The following RGS6 variants were observed in gnomAD, a reference collection of about 807,000 sequenced individuals.
RGS6 encodes the protein regulator of G protein signaling 6.
A neutral mutation model predicts 78.5 loss-of-function variants in RGS6; 30 were observed. The observed-to-expected ratio is 0.38, with a 90% CI of 0.29 to 0.52. The LOEUF (loss-of-function observed/expected upper bound fraction) is 0.52, where lower values mean the gene tolerates loss of function less well. Ranked by LOEUF, RGS6 falls within the 20% of genes least tolerant of loss-of-function variation. The pLI, the probability that RGS6 is intolerant of heterozygous loss-of-function variation, is 0.85. For synonymous variants in RGS6, 206 were observed against 206.0 expected (o/e 1.00, Z 0.00); for missense variants, 495 against 609.7 (o/e 0.81, Z 1.98).
intron 2 of RGS6, among the ~76,000 whole-genome samples, chr14:72,338,182 G>A (rs937474573): frequency 3.9e-5 from 6 of 152,160 alleles, no homozygotes; most frequent in African/African-American, 1.2e-4. Context: ...AGGCTGCTCT[G>A]AGAAGCTGTA....
intron 2 of RGS6, among the ~76,000 whole-genome samples, chr14:72,261,448 ATACTTTTAGTAAGTG>A (rs138998774): frequency 0.37 from 56,708 of 151,670 alleles, 11,497 homozygotes; most frequent in Non-Finnish European, 0.46. Flanking sequence ...CGAAATTACT[ATACTTTTAGTAAGTG>A]AGTGAGTCTT....
chr14:72,529,739 G>T (rs1046273095), intron 15 of RGS6, among the ~76,000 whole-genome samples: 1 of 152,170 alleles, frequency 6.6e-6, no homozygotes, highest in Admixed American at 6.5e-5. Flanking sequence ...CTTTCTGGTT[G>T]AGAGACCACC....
intron 3 of RGS6, among the ~76,000 whole-genome samples, chr14:72,411,230 T>C (rs904262644): frequency 6.6e-6 from 1 of 152,236 alleles, no homozygotes; most frequent in African/African-American, 2.4e-5. Flanking sequence ...TTTGTTTGTA[T>C]CCTCTTTTAT....
chr14:72,017,557 A>G (rs978005019), intron 2 of RGS6, among the ~76,000 whole-genome samples: 16 of 152,160 alleles, frequency 1.1e-4, no homozygotes, highest in African/African-American at 3.9e-4. Flanking sequence ...AATAGTTGCA[A>G]CAGAGACTAC....
At chr14:72,278,814 A>C (rs1408869849) in intron 2 of RGS6, among the ~76,000 whole-genome samples, 1 of 152,010 alleles carries the variant, frequency 6.6e-6, no homozygotes, top group Non-Finnish European at 1.5e-5. Context: ...AGGTGGCTTA[A>C]ACAACACACA....
rs187254369 is a variant in RGS6 at position 72,234,161 on chromosome 14, G to A, written c.85-117934G>A. On this transcript the variant is annotated intron_variant, in intron 2 of 17. Transcript: ENST00000553525. ...TTGCGTACACTGCCTTTAATTTTCC[G>A]AATCATTCCGTTTTGCTTGTTGAGG... 3.3e-4 allele frequency among the ~76,000 whole-genome samples: 50 copies of A among 151,860 alleles called. 1 individual carries two copies. The East Asian group carries it at 6.5e-3, about 20-fold the overall frequency.
At chr14:72,251,369 A>G (rs1489471929) in intron 2 of RGS6, among the ~76,000 whole-genome samples, 2 of 152,164 alleles carry the variant, frequency 1.3e-5, no homozygotes, top group Non-Finnish European at 2.9e-5. Context: ...GACTATTACA[A>G]TTCTTTTAGA....
intron 2 of RGS6, among the ~76,000 whole-genome samples, chr14:72,298,286 G>T (rs183895336): frequency 6.6e-6 from 1 of 151,944 alleles, no homozygotes; most frequent in East Asian, 1.9e-4. Context: ...ATTTTAGGAT[G>T]TTAAACAGCC....
At position 72,522,750 on chromosome 14, in the gene RGS6, T is replaced by C. The variant is rs149971610; in HGVS notation, c.1278+4213T>C. Reference sequence around the variant, plus strand: ...CGCTCATGGGATGTAAAGATCTAGATCACAGGTCTGTATCTGTAGATTTGA... The same window carrying C: ...CGCTCATGGGATGTAAAGATCTAGACCACAGGTCTGTATCTGTAGATTTGA... On this transcript the variant is annotated intron_variant, in intron 15 of 17. Transcript: ENST00000553525. Among the ~76,000 whole-genome samples the C allele has an allele frequency of 6.6e-3, 1,003 of 152,346 alleles. 13 individuals carry two copies. The highest frequency in any genetic ancestry group is 0.023 in the African/African-American group (968 of 41,564).
the RGS6 span, among the ~76,000 whole-genome samples, chr14:71,925,077 T>C: frequency 6.6e-6 from 1 of 152,180 alleles, no homozygotes; most frequent in African/African-American, 2.4e-5. Context: ...CCAACACTTG[T>C]TATGTTTTGT....
At chr14:72,625,312 T>C in the RGS6 span, among the ~76,000 whole-genome samples, 2 of 152,204 alleles carry the variant, frequency 1.3e-5, no homozygotes, top group Non-Finnish European at 2.9e-5. Flanking sequence ...ATTTATTTTT[T>C]CTTTAGGTTA....
At chr14:72,541,264 A>G in intron 17 of RGS6, 1 of 1,455,556 alleles carries the variant, frequency 6.9e-7, no homozygotes, top group Non-Finnish European at 9.1e-7. Flanking sequence ...CCTTTTAAGA[A>G]AAAGTCTAAG....
the RGS6 span, among the ~76,000 whole-genome samples, chr14:72,572,705 A>C: frequency 1.3e-5 from 2 of 152,196 alleles, no homozygotes. Context: ...GGAGTGATGA[A>C]AATGTTCTAA....
intron 16 of RGS6, chr14:72,537,638 A>AT: frequency 1.5e-6 from 1 of 675,712 alleles, no homozygotes. Context: ...TCTAATGCCC[A>AT]TTTTTTCTAA....
chr14:72,298,572 C>T (rs543556633), intron 2 of RGS6, among the ~76,000 whole-genome samples: 104 of 151,494 alleles, frequency 6.9e-4, no homozygotes, highest in Non-Finnish European at 1.2e-3. Flanking sequence ...CTCAGCCTCC[C>T]GAGTAGCTGG....
intron 2 of RGS6, among the ~76,000 whole-genome samples, chr14:72,085,274 C>T (rs1206680635): frequency 1.3e-5 from 2 of 152,110 alleles, no homozygotes; most frequent in East Asian, 1.9e-4. Context: ...TTATTTTAAT[C>T]GTATTAGGTG....
At chr14:72,238,031 G>A (rs776449639) in intron 2 of RGS6, among the ~76,000 whole-genome samples, 1 of 152,120 alleles carries the variant, frequency 6.6e-6, no homozygotes, top group African/African-American at 2.4e-5. Context: ...TCAAAATATG[G>A]AGATTTTATT....
At chr14:72,386,982 A>G (rs2088293994) in intron 3 of RGS6, among the ~76,000 whole-genome samples, 2 of 152,200 alleles carry the variant, frequency 1.3e-5, no homozygotes, top group Admixed American at 6.5e-5. Context: ...GAACTGCTGT[A>G]TCCTGATGGT....
At chr14:71,980,423 C>T (rs1319561046) in intron 2 of RGS6, among the ~76,000 whole-genome samples, 1 of 150,658 alleles carries the variant, frequency 6.6e-6, no homozygotes, top group Non-Finnish European at 1.5e-5. Flanking sequence ...CCATGTTTAG[C>T]ACTTCCTTCA....
Sources: gnomAD v4.1 joint callset for allele counts (sites outside exome capture counted in the v4.1 genomes callset) on GRCh38, gnomAD v4.1.1 for gene constraint, MANE v1.5 for transcripts, NCBI Gene and HGNC (gene_info 2026-07-23, HGNC 2026-07-21) for gene names.